The following PPA1 variants were observed in gnomAD, a reference collection of about 807,000 sequenced individuals.
The protein encoded by PPA1 is inorganic pyrophosphatase.
A neutral mutation model predicts 41.8 loss-of-function variants in PPA1; 23 were observed. The observed-to-expected ratio is 0.55, with a 90% CI of 0.40 to 0.78. PPA1 has a LOEUF of 0.78. Among genes scored for constraint, PPA1 ranks in the 30% least tolerant of loss-of-function variants. PPA1 has a pLI of 0.00. For synonymous variants in PPA1, 101 were observed against 116.8 expected (o/e 0.86, Z 0.87); for missense variants, 320 against 361.6 (o/e 0.89, Z 0.93).
intron 2 of PPA1, among the ~76,000 whole-genome samples, chr10:70,221,813 T>C (rs566867649): frequency 5.5e-4 from 83 of 152,262 alleles, no homozygotes; most frequent in Admixed American, 4.4e-3. Context: ...AAGAAAGATA[T>C]AGCAGATAGA....
chr10:70,221,076 A>ATATATATATATATTT (rs1224550178), intron 2 of PPA1, among the ~76,000 whole-genome samples: 1 of 40,050 alleles, frequency 2.5e-5, no homozygotes, highest in African/African-American at 2.0e-4. Flanking sequence ...ATATATATAT[A>ATATATATATATATTT]TTTTTTTTTT....
At position 70,217,888 on chromosome 10, in the gene PPA1, T is replaced by C; in HGVS notation, c.221A>G (p.Lys74Arg). ...CGCAACATAGCGAAGTTTTCCTTTTTTCACATCTTGTTTAATAGGGTTTAA... is the reference window on the plus strand; with the variant it reads ...CGCAACATAGCGAAGTTTTCCTTTTCTCACATCTTGTTTAATAGGGTTTAA... ...DPLNPIKQDVKKGKLRYVANL... is the reference protein window; with the variant it reads ...DPLNPIKQDVRKGKLRYVANL... The change falls in exon 4 of 11, where the codon AAA (lysine) becomes AGA (arginine). Residue 74 changes from lysine to arginine, a missense_variant. Transcript: ENST00000373232. 6.2e-7 allele frequency: 1 copy of C among 1,605,762 alleles called. No individual in the cohort carries two copies.
chr10:70,216,052 A>C (rs1314520682), intron 4 of PPA1, among the ~76,000 whole-genome samples: 1 of 152,238 alleles, frequency 6.6e-6, no homozygotes, highest in Non-Finnish European at 1.5e-5. Flanking sequence ...AGTAAAGGCA[A>C]AAAGATAAAT....
chr10:70,230,198 C>CA (rs1840274570), intron 2 of PPA1, 143 bp downstream of exon 2: 21 of 968,612 alleles, frequency 2.2e-5, no homozygotes, highest in Non-Finnish European at 2.9e-5. Flanking sequence ...CGTGAGCCAC[C>CA]ACGCCCAGCC....
chr10:70,226,454 G>C (rs1300817172), intron 2 of PPA1, among the ~76,000 whole-genome samples: 1 of 151,934 alleles, frequency 6.6e-6, no homozygotes, highest in Non-Finnish European at 1.5e-5. Context: ...AGCTACTCAG[G>C]AGACTGAGGT....
intron 2 of PPA1, among the ~76,000 whole-genome samples, chr10:70,222,806 T>C (rs1664295246): frequency 6.6e-6 from 1 of 151,862 alleles, no homozygotes. Flanking sequence ...TAGCATTAGG[T>C]ATATCTCCTA....
intron 4 of PPA1, among the ~76,000 whole-genome samples, chr10:70,214,809 A>G (rs981009553): frequency 6.6e-6 from 1 of 151,364 alleles, no homozygotes; most frequent in Admixed American, 6.6e-5. Flanking sequence ...TAAAACAGAT[A>G]ATGATCCTAT....
At chr10:70,218,011 G>T in intron 3 of PPA1, 80 bp from the exon 4 acceptor site, 2 of 1,255,228 alleles carry the variant, frequency 1.6e-6, no homozygotes, top group South Asian at 1.9e-5. Context: ...AATGAATTAT[G>T]GTACCTATGT....
chr10:70,224,856 G>A (rs575906561), intron 2 of PPA1, among the ~76,000 whole-genome samples: 24 of 152,036 alleles, frequency 1.6e-4, no homozygotes, highest in African/African-American at 4.6e-4. Flanking sequence ...TCAGCCTCCC[G>A]AGTAGCTGGG....
intron 10 of PPA1, 153 bp downstream of exon 10, chr10:70,204,720 A>G (rs10999180): frequency 0.037 from 21,888 of 591,884 alleles, 1,230 homozygotes; most frequent in African/African-American, 0.21. Context: ...AATTAGCCAG[A>G]TTTAATCATT....
chr10:70,231,253 C>A (rs1364956859), intron 1 of PPA1, among the ~76,000 whole-genome samples: 16 of 152,194 alleles, frequency 1.1e-4, no homozygotes. Flanking sequence ...CTGTCCACAT[C>A]GCATCCCTTC....
intron 6 of PPA1, chr10:70,210,184 G>A: frequency 2.9e-6 from 1 of 350,290 alleles, no homozygotes; most frequent in Non-Finnish European, 5.5e-6. Context: ...ACAGTTCAGC[G>A]ATCCTCTCAC....
At chr10:70,210,322 C>G in intron 6 of PPA1, 3 of 1,316,916 alleles carry the variant, frequency 2.3e-6, no homozygotes, top group Middle Eastern at 2.1e-4. Flanking sequence ...AGCAATCCTC[C>G]TGCCTTGGCT....
At chr10:70,205,046 T>C (rs1025750185) in intron 9 of PPA1, 131 bp from the exon 10 acceptor site, 2 of 649,086 alleles carry the variant, frequency 3.1e-6, no homozygotes, top group Non-Finnish European at 5.3e-6. Flanking sequence ...ATTTATAATA[T>C]ATAGGAACAA....
chr10:70,232,535 C>G (rs941457096), intron 1 of PPA1, among the ~76,000 whole-genome samples: 3 of 152,078 alleles, frequency 2.0e-5, no homozygotes, highest in African/African-American at 4.8e-5. Context: ...GGGTAGGTAC[C>G]CCCTAGACGC....
intron 2 of PPA1, among the ~76,000 whole-genome samples, chr10:70,230,047 T>C (rs1428752904): frequency 6.6e-6 from 1 of 152,164 alleles, no homozygotes; most frequent in Non-Finnish European, 1.5e-5. Context: ...TAGCTGAGAC[T>C]ACAGACACAT....
chr10:70,230,200 C>G (rs371023462), intron 2 of PPA1, 141 bp downstream of exon 2: 3 of 1,006,874 alleles, frequency 3.0e-6, no homozygotes, highest in East Asian at 5.5e-5. Context: ...TGAGCCACCA[C>G]GCCCAGCCTA....
intron 2 of PPA1, among the ~76,000 whole-genome samples, chr10:70,219,994 C>A (rs995751595): frequency 6.6e-6 from 1 of 152,112 alleles, no homozygotes; most frequent in African/African-American, 2.4e-5. Context: ...GTGGCACAAT[C>A]TTGGCTCACT....
intron 1 of PPA1, among the ~76,000 whole-genome samples, chr10:70,231,023 G>C (rs1261159082): frequency 6.6e-6 from 1 of 152,162 alleles, no homozygotes; most frequent in Non-Finnish European, 1.5e-5. Flanking sequence ...GGGAGGAAGG[G>C]AGGGGACCAC....
Sources: allele counts gnomAD v4.1 joint callset (sites outside exome capture counted in the v4.1 genomes callset), GRCh38; gene constraint gnomAD v4.1.1; transcripts MANE v1.5; gene names NCBI Gene and HGNC (gene_info 2026-07-23, HGNC 2026-07-21).